Variants in ABCF1 observed in about 807,000 individuals in gnomAD.
ABCF1 encodes ATP binding cassette subfamily F member 1, also known as ATP-binding cassette sub-family F member 1.
ABCF1 carries 73 observed loss-of-function variants against 126.3 expected under a neutral mutation model. The observed-to-expected ratio is 0.58, with a 90% confidence interval of 0.48 to 0.70. ABCF1 has a LOEUF of 0.70. ABCF1 is among the 30% of genes least tolerant of loss of function. The probability of loss-of-function intolerance (pLI) is 0.00; values close to 1 mark genes in which losing one functional copy is unlikely to be tolerated. For missense variants in ABCF1, 786 were observed against 1,057.5 expected (o/e 0.74, Z 3.56); for synonymous variants, 345 against 396.4 (o/e 0.87, Z 1.54).
intron 20 of ABCF1, among the ~76,000 whole-genome samples, chr6:30,588,414 T>C (rs1802267416): frequency 6.6e-6 from 1 of 151,950 alleles, no homozygotes; most frequent in Non-Finnish European, 1.5e-5. Flanking sequence ...CAGGCTGGAG[T>C]GCAGTGGCAC....
intron 1 of ABCF1, among the ~76,000 whole-genome samples, chr6:30,576,276 CT>C (rs9256927): frequency 0.021 from 904 of 43,976 alleles, no homozygotes; most frequent in Middle Eastern, 0.062. Context: ...TCTGAGTGCT[CT>C]TTTTTTTTTT....
intron 20 of ABCF1, among the ~76,000 whole-genome samples, chr6:30,589,185 G>A (rs536878293): frequency 6.6e-6 from 1 of 152,104 alleles, no homozygotes; most frequent in East Asian, 1.9e-4. Flanking sequence ...TTTTAGTAGA[G>A]ACAGGGTTTC....
At position 30,583,649 on chromosome 6, in the gene ABCF1, C is replaced by T. The variant is rs11552605; in HGVS notation, c.957C>T (p.Phe319=). The change falls in exon 11 of 25, where the codon TTC becomes TTT. Residue 319 remains phenylalanine, a synonymous_variant. Coordinates refer to ENST00000326195, the MANE Select transcript of ABCF1 (RefSeq NM_001025091.2). This position sits in a 1 kb window ranked among gnomAD's most constrained non-coding sequence, Gnocchi z 4.1. ...TCTCCGCTCATGGCAAGGAGCTGTT[C>T]GTCAATGCAGACCTGTACATTGTAG... ...FSISAHGKEL[F]VNADLYIVAG... The T allele has an allele frequency of 7.7e-3, 12,359 of 1,613,958 alleles. 69 individuals carry two copies. Among genetic ancestry groups the T allele is most frequent in the Middle Eastern group, 0.028 (167 of 6,062 alleles).
At chr6:30,571,778 A>G (rs1386068966) in intron 1 of ABCF1, among the ~76,000 whole-genome samples, 4 of 152,012 alleles carry the variant, frequency 2.6e-5, no homozygotes, top group Admixed American at 1.3e-4. Context: ...CCTAAGTGAG[A>G]CTGGGCGAGA....
rs556049799 is a variant in ABCF1, at chr6:30,590,971, T to C, written c.*270T>C. 4.9e-6 allele frequency: 2 copies of C among 411,626 alleles called. No homozygotes were observed. The highest frequency in any genetic ancestry group is 7.4e-5 in the East Asian group (2 of 26,892). 25.5% of individuals were successfully genotyped at this position (411,626 alleles called of 1,614,324 possible). A position where few individuals can be genotyped will look rare whatever the true frequency, so the allele number is the denominator to read the frequency against. ...AAACAAACAAGAGGTGACCACCTTATTGTGAGGTTCCATCCAGCCAAGTTT... is the reference window on the plus strand; with the variant it reads ...AAACAAACAAGAGGTGACCACCTTACTGTGAGGTTCCATCCAGCCAAGTTT... On this transcript the variant is annotated 3_prime_UTR_variant, in exon 25 of 25. Coordinates refer to ENST00000326195, the MANE Select transcript of ABCF1 (RefSeq NM_001025091.2).
At position 30,583,925 on chromosome 6, in the gene ABCF1, G is replaced by C; in HGVS notation, c.1102+35G>C. On this transcript the variant is annotated intron_variant, in intron 12 of 24. Coordinates refer to ENST00000326195, the MANE Select transcript of ABCF1 (RefSeq NM_001025091.2). The surrounding 1 kb of genome is among the most constrained non-coding windows in gnomAD (Gnocchi z 4.1). Reference sequence around the variant, plus strand: ...CTGGGGAGAAAAGGGGCTTGGTGGGGTGGGCAGTTGGGTAGAAAAGCCAGC... The same window carrying C: ...CTGGGGAGAAAAGGGGCTTGGTGGGCTGGGCAGTTGGGTAGAAAAGCCAGC... 1 of 1,606,458 alleles carries C rather than the reference G, an allele frequency of 6.2e-7. No homozygotes were observed. Among genetic ancestry groups the C allele is most frequent in the Non-Finnish European group, 8.5e-7 (1 of 1,174,188 alleles).
Position 30,580,439 on chromosome 6 carries a change from G to A in ABCF1, c.598G>A (p.Glu200Lys), listed in dbSNP as rs1464233675. ...TAAATTCGCTGCTCTGGACAATGAA[G>A]AGGAGGATAAAGAAGAAGAAATTAT... is the stretch of plus-strand genomic sequence containing the variant. Reference protein sequence around the residue: ...QNKFAALDNEEEDKEEEIIKE... With the variant: ...QNKFAALDNEKEDKEEEIIKE... The change falls in exon 8 of 25, where the codon GAG becomes AAG. Residue 200 changes from glutamate to lysine, a missense_variant. Transcript: ENST00000326195. 5 of 1,539,920 alleles carry A rather than the reference G, an allele frequency of 3.2e-6. No homozygotes were observed. The Middle Eastern group carries it at 6.8e-4, about 209-fold the overall frequency.
rs758839604 is a variant in ABCF1, at chr6:30,585,948, A to G, written c.1670A>G (p.Lys557Arg). 2.5e-6 allele frequency: 4 copies of G among 1,610,512 alleles called. No homozygotes were observed. Among genetic ancestry groups the G allele is most frequent in the Non-Finnish European group, 3.4e-6 (4 of 1,178,418 alleles). ...LLKQYEKQEK[K>R]LKELKAGGKS... Reference sequence around the variant, plus strand: ...AAACAGTATGAGAAGCAAGAGAAAAAGCTGAAGGAGCTGAAGGCAGGCGGG... The same window carrying G: ...AAACAGTATGAGAAGCAAGAGAAAAGGCTGAAGGAGCTGAAGGCAGGCGGG... Residue 557 changes from lysine to arginine, a missense_variant, in exon 17 of 25, where the codon AAG becomes AGG. Lys to Arg is a conservative substitution (Grantham distance 26, BLOSUM62 2). Coordinates refer to ENST00000326195, the MANE Select transcript of ABCF1 (RefSeq NM_001025091.2).
intron 6 of ABCF1, among the ~76,000 whole-genome samples, chr6:30,578,855 C>T (rs1161471881): frequency 6.6e-6 from 1 of 152,034 alleles, no homozygotes; most frequent in Non-Finnish European, 1.5e-5. Flanking sequence ...CAAAAATTAG[C>T]CAGGCGTGGT....
chr6:30,577,489 T>TAA, intron 2 of ABCF1, 34 bp downstream of exon 2: 1 of 1,606,300 alleles, frequency 6.2e-7, no homozygotes, highest in Non-Finnish European at 8.5e-7. Context: ...AAGAAATGAC[T>TAA]ATGGATGTTT....
intron 22 of ABCF1, 39 bp from the exon 23 acceptor site, chr6:30,590,110 G>T (rs750507576): frequency 6.2e-7 from 1 of 1,612,686 alleles, no homozygotes; most frequent in Non-Finnish European, 8.5e-7. Context: ...CAGAATGTGA[G>T]GTGCTAGGTG....
intron 6 of ABCF1, 138 bp downstream of exon 6, chr6:30,578,715 GC>G: frequency 8.1e-6 from 7 of 865,430 alleles, no homozygotes; most frequent in Non-Finnish European, 1.3e-5. Context: ...TAGAATACAT[GC>G]CCAGGCTGGG....
At chr6:30,577,267 A>G (rs757449718) in intron 1 of ABCF1, 142 bp from the exon 2 acceptor site, 7 of 722,380 alleles carry the variant, frequency 9.7e-6, no homozygotes, top group Non-Finnish European at 1.6e-5. Flanking sequence ...AGGAGTTGTG[A>G]GACAGTACAA....
At chr6:30,585,482 C>T in intron 15 of ABCF1, 76 bp from the exon 16 acceptor site, 9 of 1,600,488 alleles carry the variant, frequency 5.6e-6, no homozygotes, top group Admixed American at 3.3e-5. Flanking sequence ...TCCCAGCCCC[C>T]GTTGTCTGCC....
At chr6:30,579,341 T>C (rs766520830) in intron 6 of ABCF1, among the ~76,000 whole-genome samples, 2 of 152,108 alleles carry the variant, frequency 1.3e-5, no homozygotes, top group Non-Finnish European at 2.9e-5. Flanking sequence ...CTCCAACTTC[T>C]GCTTCGGTGT....
At position 30,574,761 on chromosome 6, in the gene ABCF1, G is replaced by T. The variant is rs1801411092; in HGVS notation, c.74-2648G>T. Reference sequence around the variant, plus strand: ...GGGGAGGAGGAGGGCCCCAAACTTTGAAATGTGTTCTGGATGGAGGATGCA... The same window carrying T: ...GGGGAGGAGGAGGGCCCCAAACTTTTAAATGTGTTCTGGATGGAGGATGCA... On this transcript the variant is annotated intron_variant, in intron 1 of 24. Coordinates refer to ENST00000326195, the MANE Select transcript of ABCF1 (RefSeq NM_001025091.2). The surrounding 1 kb of genome is among the most constrained non-coding windows in gnomAD (Gnocchi z 4.3). Among the ~76,000 whole-genome samples, 1 of 151,990 alleles carries T rather than the reference G, an allele frequency of 6.6e-6. No homozygotes were observed. The highest frequency in any genetic ancestry group is 2.4e-5 in the African/African-American group (1 of 41,350).
At position 30,590,293 on chromosome 6, in the gene ABCF1, T is replaced by G. The variant is rs755556563; in HGVS notation, c.2299-13T>G. 6.2e-7 allele frequency: 1 copy of G among 1,611,830 alleles called. No homozygotes were observed. The highest frequency in any genetic ancestry group is 1.1e-5 in the South Asian group (1 of 91,022). On this transcript the variant is annotated splice_polypyrimidine_tract_variant and intron_variant, in intron 23 of 24. Transcript: ENST00000326195. ...GAGTTGCAGTGCTCAGTCATGGAAT[T>G]CCTCCTATGTAGGACGAGCCAACCA...
At chr6:30,587,864 G>T (rs1802232341) in intron 20 of ABCF1, among the ~76,000 whole-genome samples, 1 of 74,102 alleles carries the variant, frequency 1.3e-5, no homozygotes, top group African/African-American at 5.9e-5. Context: ...AAAAAAAAAT[G>T]CTTAAGTCAA....
chr6:30,580,074 C>T (rs1400640155), intron 7 of ABCF1, 69 bp downstream of exon 7: 24 of 1,490,352 alleles, frequency 1.6e-5, no homozygotes, highest in South Asian at 1.2e-4. Flanking sequence ...GGGCTGGGCG[C>T]GGTGGCTCAC....
Sources: gnomAD v4.1 joint callset for allele counts (sites outside exome capture counted in the v4.1 genomes callset) on GRCh38, gnomAD v4.1.1 for gene constraint, Gnocchi (gnomAD v3.1) non-coding constraint, MANE v1.5 for transcripts, NCBI Gene and HGNC (gene_info 2026-07-23, HGNC 2026-07-21) for gene names.